The following NCOA6 variants were observed in gnomAD, a reference collection of about 807,000 sequenced individuals.
NCOA6 encodes nuclear receptor coactivator 6.
NCOA6 carries 49 observed loss-of-function variants against 171.4 expected under a neutral mutation model. That is an observed-to-expected ratio of 0.29 (90% confidence interval 0.23 to 0.36). The LOEUF (loss-of-function observed/expected upper bound fraction) is 0.36. NCOA6 is among the 10% of genes least tolerant of loss of function. The probability of loss-of-function intolerance (pLI) is 1.00; values close to 1 mark genes in which losing one functional copy is unlikely to be tolerated. For synonymous variants in NCOA6, 910 were observed against 927.5 expected (o/e 0.98, Z 0.34); for missense variants, 2,248 against 2,554.5 (o/e 0.88, Z 2.59).
chr20:34,724,349 T>C (rs186292831), intron 14 of NCOA6, among the ~76,000 whole-genome samples: 15 of 152,350 alleles, frequency 9.8e-5, no homozygotes, highest in East Asian at 5.8e-4. Context: ...CCAGAGGCTC[T>C]TGTGAGGCAT....
At chr20:34,810,238 T>A (rs2078606945) in intron 1 of NCOA6, among the ~76,000 whole-genome samples, 1 of 152,208 alleles carries the variant, frequency 6.6e-6, no homozygotes, top group Non-Finnish European at 1.5e-5. Context: ...GTATCAGAAA[T>A]AGTCAAGGTT....
chr20:34,774,574 G>A (rs2077250957), intron 4 of NCOA6, among the ~76,000 whole-genome samples: 1 of 152,162 alleles, frequency 6.6e-6, no homozygotes, highest in Non-Finnish European at 1.5e-5. Flanking sequence ...AAATGACCTC[G>A]ACTGCTCAGG....
chr20:34,738,099 C>T (rs1056799575), intron 11 of NCOA6, among the ~76,000 whole-genome samples: 4 of 152,022 alleles, frequency 2.6e-5, no homozygotes, highest in Admixed American at 1.3e-4. Context: ...GACAGGGTTT[C>T]GCCTCATTGC....
intron 1 of NCOA6, among the ~76,000 whole-genome samples, chr20:34,818,768 G>C (rs569655860): frequency 6.6e-6 from 1 of 152,334 alleles, no homozygotes; most frequent in East Asian, 1.9e-4. Context: ...GATTCATCTT[G>C]GTATCTTGCA....
At chr20:34,791,544 A>G (rs1410066981) in intron 2 of NCOA6, among the ~76,000 whole-genome samples, 1 of 152,194 alleles carries the variant, frequency 6.6e-6, no homozygotes, top group East Asian at 1.9e-4. Flanking sequence ...GGCAGAAATG[A>G]CGGCCTTCTG....
At chr20:34,717,390 T>C (rs1988740977) in intron 14 of NCOA6, among the ~76,000 whole-genome samples, 1 of 152,096 alleles carries the variant, frequency 6.6e-6, no homozygotes, top group Non-Finnish European at 1.5e-5. Flanking sequence ...GTGGAGGTTG[T>C]GGTGAGCCGA....
intron 13 of NCOA6, among the ~76,000 whole-genome samples, chr20:34,727,881 G>A (rs561408029): frequency 4.6e-5 from 7 of 151,958 alleles, no homozygotes; most frequent in Non-Finnish European, 7.4e-5. Flanking sequence ...GTGACACCAC[G>A]CCCTGCTAAT....
Position 34,746,812 on chromosome 20 carries a change from G to A in NCOA6, c.2909C>T (p.Pro970Leu), listed in dbSNP as rs1600831768. The stretch of plus-strand genomic sequence containing the variant: ...TCTAGCTAACATTTTATCACCTGGT[G>A]GCCGGTTTGAAAATTCTGGCAGTTT... ...GPKLPEFSNR[P>L]PGYPSQPVEQ... is the part of the protein sequence containing the mutation. Residue 970 changes from proline to leucine, a missense_variant, in exon 10 of 15, where the codon CCA (proline) becomes CTA (leucine). Coordinates refer to ENST00000359003, the MANE Select transcript of NCOA6 (RefSeq NM_014071.5). The A allele has an allele frequency of 6.2e-7, 1 of 1,607,092 alleles. No homozygotes were observed. The highest frequency in any genetic ancestry group is 2.2e-5 in the East Asian group (1 of 44,792).
In NCOA6 at chr20:34,761,913, C is replaced by T. The variant is rs2076830338; in HGVS notation, c.515-2980G>A. On this transcript the variant is annotated intron_variant, in intron 5 of 14. Coordinates refer to ENST00000359003, the MANE Select transcript of NCOA6 (RefSeq NM_014071.5). ...TTGTGATCTGCCTGTCTCGGCCTCCCAAAGTGCTGGGATTACAGGCGTGAG... is the reference window on the plus strand; with the variant it reads ...TTGTGATCTGCCTGTCTCGGCCTCCTAAAGTGCTGGGATTACAGGCGTGAG... Among the ~76,000 whole-genome samples, 4 of 152,154 alleles carry T rather than the reference C, an allele frequency of 2.6e-5. No individual in the cohort carries two copies. The South Asian group carries it at 8.3e-4, about 32-fold the overall frequency.
chr20:34,723,076 G>C (rs1330506262), intron 14 of NCOA6, among the ~76,000 whole-genome samples: 1 of 152,178 alleles, frequency 6.6e-6, no homozygotes, highest in Non-Finnish European at 1.5e-5. Context: ...GTTTCCCTGA[G>C]TTCTATGAGC....
At position 34,740,355 on chromosome 20, in the gene NCOA6, G is replaced by A. The variant is rs773669765; in HGVS notation, c.5893+8C>T. 3 of 1,611,330 alleles carry A rather than the reference G, an allele frequency of 1.9e-6. No homozygotes were observed. Among genetic ancestry groups the A allele is most frequent in the Admixed American group, 1.7e-5 (1 of 59,892 alleles). On this transcript the variant is annotated splice_region_variant and intron_variant, in intron 11 of 14. Transcript: ENST00000359003. ...ACACAAAGAGATGATGAAGCCCCAA[G>A]TACATACCTATGCTGGGTAGAAGTT...
chr20:34,794,389 C>T (rs1263903192), intron 1 of NCOA6, among the ~76,000 whole-genome samples: 1 of 152,012 alleles, frequency 6.6e-6, no homozygotes, highest in Admixed American at 6.6e-5. Flanking sequence ...TATAAGATGA[C>T]GTATGTATAG....
At chr20:34,745,172 G>C (rs991360761) in intron 10 of NCOA6, among the ~76,000 whole-genome samples, 2 of 152,214 alleles carry the variant, frequency 1.3e-5, no homozygotes, top group Non-Finnish European at 2.9e-5. Flanking sequence ...GAGAATAGAA[G>C]TGGACTGGTA....
rs760584619 is a variant in NCOA6, at chr20:34,715,296, A to G, written c.*26T>C. 6.2e-7 allele frequency: 1 copy of G among 1,613,878 alleles called. No homozygotes were observed. Among genetic ancestry groups the G allele is most frequent in the Non-Finnish European group, 8.5e-7 (1 of 1,179,780 alleles). Reference sequence around the variant, plus strand: ...CTTTGTAAAAGTCACACACATTTCCAAGTATCAAGTCGCAGTCCTGCTTGT... The same window carrying G: ...CTTTGTAAAAGTCACACACATTTCCGAGTATCAAGTCGCAGTCCTGCTTGT... On this transcript the variant is annotated 3_prime_UTR_variant, in exon 15 of 15. Coordinates refer to ENST00000359003, the MANE Select transcript of NCOA6 (RefSeq NM_014071.5).
rs554310163 is a variant in NCOA6, at chr20:34,810,707, C to T, written c.-164+14765G>A. Among the ~76,000 whole-genome samples, 38 of 152,276 alleles carry T rather than the reference C, an allele frequency of 2.5e-4. 1 individual carries two copies. Among genetic ancestry groups the T allele is most frequent in the Non-Finnish European group, 4.7e-4 (32 of 68,012 alleles). ...AGTAGCTGGGACTACAGGCGCCCGC[C>T]ACCATGCCCAGCTAATTTTTTTGTA... is the stretch of plus-strand genomic sequence containing the variant. On this transcript the variant is annotated intron_variant, in intron 1 of 14. Transcript: ENST00000359003.
At chr20:34,800,393 T>C (rs1811083115) in intron 1 of NCOA6, among the ~76,000 whole-genome samples, 1 of 152,204 alleles carries the variant, frequency 6.6e-6, no homozygotes, top group African/African-American at 2.4e-5. Context: ...CATTGAATGT[T>C]AATGGACTAA....
chr20:34,801,172 C>T (rs1335689881), intron 1 of NCOA6, among the ~76,000 whole-genome samples: 4 of 151,918 alleles, frequency 2.6e-5, no homozygotes, highest in Admixed American at 6.6e-5. Context: ...ATAATGAAAA[C>T]ACAACATACC....
At chr20:34,720,539 C>T (rs764796807) in intron 14 of NCOA6, among the ~76,000 whole-genome samples, 1 of 152,240 alleles carries the variant, frequency 6.6e-6, no homozygotes, top group Non-Finnish European at 1.5e-5. Flanking sequence ...ACAATACAAA[C>T]AGCAACACTT....
At chr20:34,734,895 G>A (rs1254494209) in intron 12 of NCOA6, among the ~76,000 whole-genome samples, 1 of 151,952 alleles carries the variant, frequency 6.6e-6, no homozygotes, top group East Asian at 1.9e-4. Context: ...TGATCTGACC[G>A]CCTCGGCCTC....
Sources: allele counts gnomAD v4.1 joint callset (sites outside exome capture counted in the v4.1 genomes callset), GRCh38; gene constraint gnomAD v4.1.1; transcripts MANE v1.5; gene names NCBI Gene and HGNC (gene_info 2026-07-23, HGNC 2026-07-21).